Variants in ADGRL2 observed in about 807,000 individuals in gnomAD.
ADGRL2 encodes adhesion G protein-coupled receptor L2.
A neutral mutation model predicts 157.4 loss-of-function variants in ADGRL2; 44 were observed. That is an observed-to-expected ratio of 0.28 (90% CI 0.22 to 0.36). ADGRL2 has a LOEUF of 0.36. Ranked by LOEUF, ADGRL2 falls within the 10% of genes least tolerant of loss-of-function variation. The probability of loss-of-function intolerance (pLI) is 1.00; values close to 1 mark genes in which losing one functional copy is unlikely to be tolerated. For missense variants in ADGRL2, 1,510 were observed against 1,768.9 expected (o/e 0.85, Z 2.63); for synonymous variants, 585 against 624.7 (o/e 0.94, Z 0.95).
At chr1:81,747,187 G>T (rs1338565980) in intron 1 of ADGRL2, among the ~76,000 whole-genome samples, 1 of 142,872 alleles carries the variant, frequency 7.0e-6, no homozygotes. Context: ...ATATATGTAT[G>T]TGTGTATGCA....
intron 2 of ADGRL2, among the ~76,000 whole-genome samples, chr1:81,456,366 G>A (rs2077806888): frequency 6.6e-6 from 1 of 151,892 alleles, no homozygotes; most frequent in Non-Finnish European, 1.5e-5. Flanking sequence ...CTATAAGTGT[G>A]TGCCACCATA....
intron 2 of ADGRL2, among the ~76,000 whole-genome samples, chr1:81,563,546 G>A (rs1055713375): frequency 3.3e-5 from 5 of 152,024 alleles, no homozygotes; most frequent in African/African-American, 7.2e-5. Context: ...TGATGTAGAT[G>A]GCATTATTTT....
chr1:81,691,777 G>A (rs2083339366), intron 3 of ADGRL2, among the ~76,000 whole-genome samples: 1 of 151,420 alleles, frequency 6.6e-6, no homozygotes, highest in Admixed American at 6.6e-5. Context: ...GGGATTACAG[G>A]TGTGAGCCAC....
At chr1:81,469,989 A>C (rs1432190718) in intron 2 of ADGRL2, among the ~76,000 whole-genome samples, 1 of 152,192 alleles carries the variant, frequency 6.6e-6, no homozygotes, top group East Asian at 1.9e-4. Flanking sequence ...TTCTGCACCA[A>C]AGAGCTTCTG....
chr1:81,988,180 T>G (rs1322430331), intron 23 of ADGRL2, among the ~76,000 whole-genome samples: 1 of 152,196 alleles, frequency 6.6e-6, no homozygotes, highest in Admixed American at 6.5e-5. Flanking sequence ...AATTGACTTA[T>G]CATTTCTGCA....
intron 1 of ADGRL2, among the ~76,000 whole-genome samples, chr1:81,720,327 G>A (rs953491716): frequency 3.3e-5 from 5 of 151,534 alleles, no homozygotes; most frequent in Admixed American, 6.6e-5. Context: ...AGGCCACTAC[G>A]CCTGGCTAAT....
At position 81,969,179 on chromosome 1, in the gene ADGRL2, A is replaced by G. The variant is rs1253347555; in HGVS notation, c.2525A>G (p.Tyr842Cys). 1 of 1,609,806 alleles carries G rather than the reference A, an allele frequency of 6.2e-7. No homozygotes were observed. The highest frequency in any genetic ancestry group is 8.5e-7 in the Non-Finnish European group (1 of 1,176,292). ...TTCCTCATATCTTTTTATTTTCAGT[A>G]TAAAGATGGCGTTCATGAATTACTT... The part of the protein sequence containing the change: ...AILMAHREIA[Y>C]KDGVHELLLT... Residue 842 changes from tyrosine (Y) to cysteine (C), a missense_variant and splice_region_variant, in exon 15 of 24, where the codon TAT becomes TGT. Tyr to Cys is a radical substitution (Grantham distance 194, BLOSUM62 -2). Around this residue, in one of 4 missense-constraint regions of ADGRL2, gnomAD observed 497 missense variants for 627.2 expected, o/e 0.79. Coordinates refer to ENST00000686636, the MANE Select transcript of ADGRL2 (RefSeq NM_001366006.2).
intron 2 of ADGRL2, among the ~76,000 whole-genome samples, chr1:81,564,959 G>A (rs1341357446): frequency 6.6e-6 from 1 of 152,184 alleles, no homozygotes; most frequent in Non-Finnish European, 1.5e-5. Flanking sequence ...CCTGAGAGAA[G>A]CTGTAATTCT....
intron 2 of ADGRL2, among the ~76,000 whole-genome samples, chr1:81,878,955 A>G (rs1367197471): frequency 6.6e-6 from 1 of 152,218 alleles, no homozygotes; most frequent in African/African-American, 2.4e-5. Flanking sequence ...ACATTCTGAA[A>G]GAAGATACTT....
At position 81,557,022 on chromosome 1, in the gene ADGRL2, A is replaced by AC. The variant is rs971486727; in HGVS notation, c.-247-23854_-247-23853insC. The AC allele has an allele frequency of 1.1e-3, 18 of 16,310 alleles. No homozygotes were observed. The African/African-American group carries it at 0.016, about 15-fold the overall frequency. 1.0% of individuals were successfully genotyped at this position (16,310 alleles called of 1,614,324 possible). A position where few individuals can be genotyped will look rare whatever the true frequency, so the allele number is the denominator to read the frequency against. The stretch of plus-strand genomic sequence containing the variant: ...GAACCGGGGAGGCGGACTCCGTCTC[A>AC]AAAAAAAAAAAAAGAAAGAAAGAAG... On this transcript the variant is annotated intron_variant, in intron 2 of 24. Coordinates refer to the ADGRL2 transcript ENST00000370721.
Position 81,877,369 on chromosome 1 carries a change from A to G in ADGRL2, c.74-29648A>G, listed in dbSNP as rs149716266. Among the ~76,000 whole-genome samples the G allele has an allele frequency of 6.6e-5, 10 of 152,234 alleles. No individual in the cohort carries two copies. In the East Asian group the frequency reaches 1.9e-3, roughly 29 times the overall value. ...GTGCTTTGTTTTACATATCTTTAAAATGAGGATTAAAATATTACTATTAGG... is the reference window on the plus strand; with the variant it reads ...GTGCTTTGTTTTACATATCTTTAAAGTGAGGATTAAAATATTACTATTAGG... On this transcript the variant is annotated intron_variant, in intron 2 of 23. Coordinates refer to ENST00000686636, the MANE Select transcript of ADGRL2 (RefSeq NM_001366006.2).
chr1:81,901,107 AG>A (rs1429193861), intron 2 of ADGRL2, among the ~76,000 whole-genome samples: 19 of 152,328 alleles, frequency 1.2e-4, no homozygotes, highest in Non-Finnish European at 2.5e-4. Context: ...TAAAATGTAT[AG>A]TTTTCAACAA....
At chr1:81,482,007 C>T (rs998748501) in intron 2 of ADGRL2, among the ~76,000 whole-genome samples, 1 of 152,202 alleles carries the variant, frequency 6.6e-6, no homozygotes, top group African/African-American at 2.4e-5. Flanking sequence ...CTCTATGGCT[C>T]TTTGTCTCCC....
chr1:81,511,642 G>A (rs937225235), intron 2 of ADGRL2, among the ~76,000 whole-genome samples: 3 of 152,032 alleles, frequency 2.0e-5, no homozygotes, highest in Non-Finnish European at 4.4e-5. Context: ...TTTTTCATCA[G>A]AGTTTGTTTG....
chr1:81,797,846 C>G (rs527755410), upstream of ADGRL2, among the ~76,000 whole-genome samples: 3 of 152,172 alleles, frequency 2.0e-5, no homozygotes, highest in Non-Finnish European at 2.9e-5. Flanking sequence ...ATGTTTGAAG[C>G]CCATCAATCT....
At chr1:81,373,372 T>C (rs749530616) in intron 1 of ADGRL2, among the ~76,000 whole-genome samples, 7 of 152,138 alleles carry the variant, frequency 4.6e-5, no homozygotes, top group Non-Finnish European at 7.4e-5. Flanking sequence ...TGTCAAACAT[T>C]TCCATCTTCA....
At chr1:81,932,225 T>G (rs1032381409) in intron 3 of ADGRL2, among the ~76,000 whole-genome samples, 1 of 152,228 alleles carries the variant, frequency 6.6e-6, no homozygotes, top group African/African-American at 2.4e-5. Flanking sequence ...TAGCACATTT[T>G]TAGCAAAACA....
chr1:81,765,628 T>C (rs2086090048), intron 2 of ADGRL2, among the ~76,000 whole-genome samples: 1 of 152,198 alleles, frequency 6.6e-6, no homozygotes, highest in South Asian at 2.1e-4. Flanking sequence ...ATGTAGTTAA[T>C]CTGCCCTTCA....
intron 1 of ADGRL2, among the ~76,000 whole-genome samples, chr1:81,394,265 T>G (rs2076612786): frequency 6.6e-6 from 1 of 152,310 alleles, no homozygotes; most frequent in Middle Eastern, 3.4e-3. Flanking sequence ...AGTAAATTGT[T>G]ATTTATAGTC....
Sources: gnomAD v4.1 joint callset for allele counts (sites outside exome capture counted in the v4.1 genomes callset) on GRCh38, gnomAD v4.1.1 for gene constraint, gnomAD v4.1.1 regional missense constraint, MANE v1.5 for transcripts, NCBI Gene and HGNC (gene_info 2026-07-23, HGNC 2026-07-21) for gene names.